APOL3: variants seen among roughly 807,000 people sequenced by gnomAD.
APOL3 encodes the protein TNF-inducible protein CG12-1.
Under a neutral mutation model 11.6 loss-of-function variants are expected in APOL3, and 14 were observed. The observed-to-expected ratio is 1.21, with a 90% CI of 0.80 to 1.89. The LOEUF (loss-of-function observed/expected upper bound fraction) is 1.89. APOL3 is among the 40% of genes most tolerant of loss of function. The pLI, the probability that APOL3 is intolerant of heterozygous loss-of-function variation, is 0.00. For missense variants in APOL3, 483 were observed against 492.1 expected (o/e 0.98, Z 0.17); for synonymous variants, 192 against 190.6 (o/e 1.01, Z -0.06).
chr22:36,142,079 T>C (rs749242122), intron 2 of APOL3, 21 bp from the exon 4 acceptor site: 3 of 1,571,362 alleles, frequency 1.9e-6, no homozygotes, highest in East Asian at 2.2e-5. Context: ...AAAGGACAGA[T>C]GATTAAGAAA....
At chr22:36,148,591 G>A (rs1029653333) in intron 1 of APOL3, among the ~76,000 whole-genome samples, 8 of 152,228 alleles carry the variant, frequency 5.3e-5, no homozygotes, top group Admixed American at 4.6e-4. Context: ...AGAGGGGCTG[G>A]TGCAGGGCAA....
chr22:36,152,915 C>G (rs185874930), intron 1 of APOL3, among the ~76,000 whole-genome samples: 119 of 152,278 alleles, frequency 7.8e-4, no homozygotes, highest in Non-Finnish European at 1.2e-4. Context: ...TCGAGAGCAG[C>G]CTGACCAACA....
Position 36,160,787 on chromosome 22 carries a change from A to G in APOL3, c.105T>C (p.Gly35=), listed in dbSNP as rs760765053. 4 of 1,614,124 alleles carry G rather than the reference A, an allele frequency of 2.5e-6. 1 individual carries two copies. Among genetic ancestry groups the G allele is most frequent in the Non-Finnish European group, 3.4e-6 (4 of 1,179,998 alleles). ...ACACGTTCTCCAGGCTCTGAGATAT[A>G]CCCTGGAACCCAAAAGGGAAAGTGA... is the stretch of plus-strand genomic sequence containing the variant. The change falls in exon 1 of 3, where the codon GGT becomes GGC. Residue 35 remains glycine, a synonymous_variant. Transcript: ENST00000349314.
chr22:36,149,152 G>A lies in APOL3; in HGVS notation c.224-3553C>T, dbSNP rs779753274. 1 of 1,363,640 alleles carries A rather than the reference G, an allele frequency of 7.3e-7. No homozygotes were observed. Among genetic ancestry groups the A allele is most frequent in the African/African-American group, 1.5e-5 (1 of 67,636 alleles). 84.5% of individuals were successfully genotyped at this position (1,363,640 alleles called of 1,614,324 possible). A position where few individuals can be genotyped will look rare whatever the true frequency, so the allele number is the denominator to read the frequency against. ...GTTTTTTTTCTTAACCCTTGAGGAG[G>A]AGAAAGCAAATTGTGGGACTGAATG... On this transcript the variant is annotated intron_variant, in intron 1 of 2. Transcript: ENST00000349314.
intron 2 of APOL3, among the ~76,000 whole-genome samples, chr22:36,143,313 T>C (rs557774621): frequency 6.6e-6 from 1 of 152,362 alleles, no homozygotes. Context: ...CTCTGCCCTG[T>C]GTGTCTCTTC....
chr22:36,160,891 T>A (rs754096856), exon 1 of APOL3: 2 of 1,613,146 alleles, frequency 1.2e-6, no homozygotes, highest in South Asian at 2.2e-5. Context: ...CCCAGTCCCA[T>A]CCTTGGTCCA....
chr22:36,159,761 G>A (rs747645261), intron 1 of APOL3: 3 of 152,252 alleles, frequency 2.0e-5, no homozygotes, highest in Non-Finnish European at 2.9e-5. Flanking sequence ...GACCCTCAGC[G>A]AGTCACTCAT....
intron 1 of APOL3, among the ~76,000 whole-genome samples, chr22:36,151,517 A>G (rs1015291757): frequency 6.6e-6 from 1 of 152,218 alleles, no homozygotes; most frequent in African/African-American, 2.4e-5. Context: ...GAGAAAATAA[A>G]CAACTCTAGG....
intron 1 of APOL3, among the ~76,000 whole-genome samples, chr22:36,159,022 G>A (rs548687223): frequency 6.6e-6 from 1 of 152,048 alleles, no homozygotes; most frequent in Non-Finnish European, 1.5e-5. Flanking sequence ...GCATATGCAA[G>A]GTTTGCCTTT....
chr22:36,142,535 G>A (rs891829659), intron 2 of APOL3, among the ~76,000 whole-genome samples: 3 of 152,208 alleles, frequency 2.0e-5, no homozygotes, highest in African/African-American at 7.2e-5. Flanking sequence ...GCCCTGGAAT[G>A]TCCTGCCTGG....
intron 1 of APOL3, among the ~76,000 whole-genome samples, chr22:36,157,697 G>GT (rs2013122279): frequency 6.6e-6 from 1 of 152,178 alleles, no homozygotes. Flanking sequence ...TAAAGCAAAG[G>GT]TAACTGTCCA....
chr22:36,141,104 C>G, exon 3 of APOL3: 1 of 1,521,104 alleles, frequency 6.6e-7, no homozygotes, highest in South Asian at 1.3e-5. Flanking sequence ...GCTCCATAAA[C>G]TTTACCTTGC....
chr22:36,159,689 G>C (rs2146901826), intron 1 of APOL3: 1 of 152,278 alleles, frequency 6.6e-6, no homozygotes, highest in African/African-American at 2.4e-5. Flanking sequence ...GCCTGAAAAG[G>C]AACCAGGTGA....
At chr22:36,165,899 G>A (rs1240009259), upstream of APOL3, 2 of 152,242 alleles carry the variant, frequency 1.3e-5, no homozygotes, top group Non-Finnish European at 2.9e-5. Context: ...GCAGCTAGGA[G>A]TGGGTAAGAA....
chr22:36,149,317 A>G, intron 1 of APOL3, 175 bp from the exon 2 acceptor site: 1 of 1,306,120 alleles, frequency 7.7e-7, no homozygotes, highest in South Asian at 1.2e-5. Context: ...GAGAAATTCT[A>G]CTTGCTCCAG....
rs577866985 is a variant in APOL3, at chr22:36,149,127, G to GT, written c.224-3529dup. On this transcript the variant is annotated intron_variant, in intron 1 of 2. Transcript: ENST00000349314. ...GTCACTGACCTGACTGGAAGGGTTCGTTTTTTTTCTTAACCCTTGAGGAGG... is the reference window on the plus strand; with the variant it reads ...GTCACTGACCTGACTGGAAGGGTTCGTTTTTTTTTCTTAACCCTTGAGGAGG... The GT allele has an allele frequency of 2.0e-3, 2,673 of 1,367,512 alleles. 9 individuals are homozygous for GT. The highest frequency in any genetic ancestry group is 6.7e-3 in the South Asian group (587 of 88,126). 84.7% of individuals were successfully genotyped at this position (1,367,512 alleles called of 1,614,324 possible).
chr22:36,158,534 A>C (rs2013269591), intron 1 of APOL3, among the ~76,000 whole-genome samples: 1 of 152,098 alleles, frequency 6.6e-6, no homozygotes, highest in African/African-American at 2.4e-5. Context: ...AAGACTAAGG[A>C]ATGCGCCTGG....
exon 3 of APOL3, chr22:36,141,020 G>T: frequency 2.4e-6 from 2 of 818,928 alleles, no homozygotes; most frequent in Non-Finnish European, 3.8e-6. Flanking sequence ...CCTTCTCCTT[G>T]GTGCACTTGC....
At chr22:36,149,555 G>A (rs182353756) in intron 1 of APOL3, among the ~76,000 whole-genome samples, 1 of 152,308 alleles carries the variant, frequency 6.6e-6, no homozygotes, top group Non-Finnish European at 1.5e-5. Context: ...GTGATCTGCA[G>A]GGCTCCTCAT....
Sources: gnomAD v4.1 joint callset for allele counts (sites outside exome capture counted in the v4.1 genomes callset) on GRCh38, gnomAD v4.1.1 for gene constraint, MANE v1.5 for transcripts, NCBI Gene and HGNC (gene_info 2026-07-23, HGNC 2026-07-21) for gene names.